The following TENM3 variants were observed in gnomAD, a reference collection of about 807,000 sequenced individuals.
TENM3 encodes the protein teneurin transmembrane protein 3, also known as teneurin-3.
Under a neutral mutation model 255.1 loss-of-function variants are expected in TENM3, and 63 were observed. That is an observed-to-expected ratio of 0.25 (90% confidence interval 0.20 to 0.30). The LOEUF (loss-of-function observed/expected upper bound fraction) is 0.30, where lower values mean the gene tolerates loss of function less well. Among genes scored for constraint, TENM3 ranks in the 10% least tolerant of loss-of-function variants. The probability of loss-of-function intolerance (pLI) is 1.00; values close to 1 mark genes in which losing one functional copy is unlikely to be tolerated. For synonymous variants in TENM3, 1,306 were observed against 1,322.3 expected (o/e 0.99, Z 0.27); for missense variants, 2,929 against 3,461.1 (o/e 0.85, Z 3.86).
chr4:182,460,934 A>G (rs1342008783), intron 3 of TENM3, among the ~76,000 whole-genome samples: 2 of 152,196 alleles, frequency 1.3e-5, no homozygotes, highest in Non-Finnish European at 2.9e-5. Flanking sequence ...TTAAAAAGGG[A>G]ATTTACGCAG....
chr4:182,519,883 T>G (rs185280940), intron 3 of TENM3, among the ~76,000 whole-genome samples: 222 of 152,216 alleles, frequency 1.5e-3, no homozygotes, highest in African/African-American at 5.0e-3. Flanking sequence ...GTTGTTGTAT[T>G]TGGGAAAAAA....
At chr4:181,627,454 T>A in the TENM3 span, among the ~76,000 whole-genome samples, 2 of 152,200 alleles carry the variant, frequency 1.3e-5, no homozygotes, top group African/African-American at 4.8e-5. Context: ...TCATTTACAT[T>A]AGGTATATCT....
intron 3 of TENM3, among the ~76,000 whole-genome samples, chr4:182,527,200 A>G (rs987932394): frequency 7.2e-5 from 11 of 152,198 alleles, no homozygotes; most frequent in Non-Finnish European, 1.6e-4. Flanking sequence ...CTTAACATAC[A>G]TTTGCTATTT....
chr4:182,059,746 A>C, the TENM3 span, among the ~76,000 whole-genome samples: 1 of 86,202 alleles, frequency 1.2e-5, no homozygotes, highest in East Asian at 3.6e-4. Flanking sequence ...CTGTCTCTAC[A>C]AAAAAAAAAA....
chr4:182,415,677 G>A (rs145488830), intron 3 of TENM3, among the ~76,000 whole-genome samples: 5 of 152,286 alleles, frequency 3.3e-5, no homozygotes, highest in Admixed American at 1.3e-4. Context: ...TCAAGTGCCA[G>A]TATTCTAAGT....
intron 4 of TENM3, among the ~76,000 whole-genome samples, chr4:182,611,256 T>G (rs981157721): frequency 6.6e-6 from 1 of 152,100 alleles, no homozygotes; most frequent in African/African-American, 2.4e-5. Context: ...AAATTTTAAA[T>G]TAGGCACATG....
chr4:182,178,636 T>G (rs2149728036), intron 1 of TENM3, among the ~76,000 whole-genome samples: 1 of 152,344 alleles, frequency 6.6e-6, no homozygotes, highest in African/African-American at 2.4e-5. Context: ...GTGGAATATT[T>G]AAGCTAAATG....
the TENM3 span, among the ~76,000 whole-genome samples, chr4:181,992,249 G>A: frequency 9.9e-4 from 151 of 152,152 alleles, 2 homozygotes; most frequent in Non-Finnish European, 1.2e-3. Flanking sequence ...CCTGTATGGT[G>A]TCTTTACCCT....
chr4:182,435,218 G>A (rs2151216950), intron 3 of TENM3, among the ~76,000 whole-genome samples: 1 of 152,244 alleles, frequency 6.6e-6, no homozygotes, highest in Admixed American at 6.5e-5. Context: ...GTTCAGTAGA[G>A]TCAATTCTCC....
chr4:182,257,591 G>C (rs1758493086), intron 1 of TENM3, among the ~76,000 whole-genome samples: 1 of 152,180 alleles, frequency 6.6e-6, no homozygotes, highest in Non-Finnish European at 1.5e-5. Flanking sequence ...GCCCAAGGAT[G>C]CATTTCTGTG....
chr4:181,769,780 A>C, the TENM3 span, among the ~76,000 whole-genome samples: 1 of 152,120 alleles, frequency 6.6e-6, no homozygotes. Flanking sequence ...TTGCAGCCAT[A>C]ATATGTAGGA....
chr4:181,951,435 T>C, the TENM3 span, among the ~76,000 whole-genome samples: 1 of 152,242 alleles, frequency 6.6e-6, no homozygotes, highest in South Asian at 2.1e-4. Context: ...CTACTGGTTT[T>C]TACATGTGAC....
At chr4:182,790,542 C>T (rs1270673651) in intron 25 of TENM3, among the ~76,000 whole-genome samples, 2 of 152,202 alleles carry the variant, frequency 1.3e-5, no homozygotes, top group Admixed American at 6.5e-5. Context: ...GATGCTACCT[C>T]TCTTACGGCA....
chr4:181,764,943 C>T, the TENM3 span, among the ~76,000 whole-genome samples: 1 of 152,150 alleles, frequency 6.6e-6, no homozygotes, highest in Non-Finnish European at 1.5e-5. Context: ...GATCCTCCCA[C>T]CTCAGGCTCC....
At chr4:181,520,035 C>T in the TENM3 span, among the ~76,000 whole-genome samples, 5 of 152,188 alleles carry the variant, frequency 3.3e-5, no homozygotes, top group Non-Finnish European at 7.3e-5. Flanking sequence ...CCTGTGAGGC[C>T]GCCTGGCCAC....
the TENM3 span, among the ~76,000 whole-genome samples, chr4:181,714,905 A>G: frequency 6.6e-6 from 1 of 152,214 alleles, no homozygotes; most frequent in Non-Finnish European, 1.5e-5. Context: ...AAATCTACAA[A>G]GAGATAAATT....
chr4:182,510,530 A>G (rs1348767811), intron 3 of TENM3, among the ~76,000 whole-genome samples: 1 of 152,186 alleles, frequency 6.6e-6, no homozygotes, highest in African/African-American at 2.4e-5. Context: ...CTGATTGGCA[A>G]TTCTATGCTG....
the TENM3 span, among the ~76,000 whole-genome samples, chr4:181,990,329 T>C: frequency 3.9e-5 from 6 of 152,274 alleles, no homozygotes; most frequent in Non-Finnish European, 8.8e-5. Flanking sequence ...AGAGTGACCA[T>C]GGATAAACTA....
At chr4:182,630,737 TTTTA>T (rs1308433318) in intron 5 of TENM3, among the ~76,000 whole-genome samples, 2 of 148,970 alleles carry the variant, frequency 1.3e-5, no homozygotes, top group African/African-American at 4.9e-5. Flanking sequence ...TTGTTGGGGA[TTTTA>T]TTTATTTATT....
Sources: allele counts gnomAD v4.1 joint callset (sites outside exome capture counted in the v4.1 genomes callset), GRCh38; gene constraint gnomAD v4.1.1; transcripts MANE v1.5; gene names NCBI Gene and HGNC (gene_info 2026-07-23, HGNC 2026-07-21).